The following MAP3K7 variants were observed in gnomAD, a reference collection of about 807,000 sequenced individuals.
MAP3K7 encodes mitogen-activated protein kinase kinase kinase 7, also known as TGF-beta activated kinase 1.
A neutral mutation model predicts 84.8 loss-of-function variants in MAP3K7; 21 were observed. The ratio of observed to expected loss-of-function variants is 0.25; its 90% CI spans 0.18 to 0.36. The LOEUF (loss-of-function observed/expected upper bound fraction) is 0.36, where lower values mean the gene tolerates loss of function less well. MAP3K7 is among the 10% of genes least tolerant of loss of function. The pLI is 1.00. For synonymous variants in MAP3K7, 241 were observed against 247.7 expected, an observed-to-expected ratio of 0.97 and a Z score of 0.25; for missense variants, 503 against 747.7, an observed-to-expected ratio of 0.67 and a Z score of 3.82.
intron 1 of MAP3K7, among the ~76,000 whole-genome samples, chr6:90,572,490 T>TA (rs1351728059): frequency 2.0e-5 from 3 of 151,790 alleles, no homozygotes; most frequent in Non-Finnish European, 4.4e-5. Flanking sequence ...AATCTATAGA[T>TA]AGATACCTGG....
intron 13 of MAP3K7, among the ~76,000 whole-genome samples, chr6:90,535,239 T>C (rs142963544): frequency 8.7e-4 from 132 of 152,118 alleles, no homozygotes; most frequent in African/African-American, 3.0e-3. Context: ...AAAAGACTTT[T>C]TTATTAATGA....
intron 1 of MAP3K7, among the ~76,000 whole-genome samples, chr6:90,580,147 G>C (rs1298043889): frequency 3.9e-5 from 6 of 152,196 alleles, no homozygotes; most frequent in Non-Finnish European, 7.3e-5. Flanking sequence ...GGACTGCAAA[G>C]GCCAAGCCTA....
chr6:90,575,548 G>A (rs1439798729), intron 1 of MAP3K7, among the ~76,000 whole-genome samples: 1 of 152,108 alleles, frequency 6.6e-6, no homozygotes, highest in Non-Finnish European at 1.5e-5. Context: ...AACACGTAAG[G>A]GATAAAGAAA....
intron 3 of MAP3K7, among the ~76,000 whole-genome samples, chr6:90,565,420 G>T (rs1776669561): frequency 6.6e-6 from 1 of 152,110 alleles, no homozygotes; most frequent in African/African-American, 2.4e-5. Flanking sequence ...TACCATCAGA[G>T]AATACTATAA....
chr6:90,584,870 A>G (rs910624781), intron 1 of MAP3K7, among the ~76,000 whole-genome samples: 11 of 152,184 alleles, frequency 7.2e-5, no homozygotes, highest in Admixed American at 7.2e-4. Flanking sequence ...TATTCTTAAA[A>G]AAGAATATTA....
intron 12 of MAP3K7, among the ~76,000 whole-genome samples, chr6:90,539,143 C>T (rs1256610833): frequency 3.3e-5 from 5 of 151,878 alleles, no homozygotes; most frequent in African/African-American, 1.2e-4. Context: ...CTAATTTAGG[C>T]TGCCAAAGTT....
intron 13 of MAP3K7, among the ~76,000 whole-genome samples, chr6:90,532,731 T>G (rs1321541042): frequency 6.6e-6 from 1 of 152,208 alleles, no homozygotes; most frequent in Admixed American, 6.5e-5. Flanking sequence ...CCCAGGTGTA[T>G]AAAACATAAA....
intron 5 of MAP3K7, among the ~76,000 whole-genome samples, chr6:90,559,458 A>G (rs1776438285): frequency 1.3e-5 from 2 of 152,160 alleles, no homozygotes; most frequent in Non-Finnish European, 2.9e-5. Context: ...AAAAAGAGAG[A>G]AAAGGAAACA....
rs1774963731 is a variant in MAP3K7, at chr6:90,516,416, C to T, written c.*85G>A. Reference sequence around the variant, plus strand: ...TTCAGAACACGCCAAAAAGCTAACACTCATGAATCGTCATTATAAGGTTTT... The same window carrying T: ...TTCAGAACACGCCAAAAAGCTAACATTCATGAATCGTCATTATAAGGTTTT... On this transcript the variant is annotated 3_prime_UTR_variant, in exon 17 of 17. Coordinates refer to ENST00000369329, the MANE Select transcript of MAP3K7 (RefSeq NM_145331.3). The T allele has an allele frequency of 7.1e-7, 1 of 1,404,144 alleles. No homozygotes were observed. The highest frequency in any genetic ancestry group is 1.5e-5 in the African/African-American group (1 of 68,914). The allele number at this position is 1,404,144 out of a possible 1,614,324, so 87.0% of individuals were successfully genotyped here. A position where few individuals can be genotyped will look rare whatever the true frequency, so the allele number is the denominator to read the frequency against.
At chr6:90,535,514 TATTC>T (rs1048275663) in intron 13 of MAP3K7, among the ~76,000 whole-genome samples, 3 of 151,988 alleles carry the variant, frequency 2.0e-5, no homozygotes, top group Admixed American at 6.6e-5. Flanking sequence ...TCATAAAACT[TATTC>T]TTGTACAGCT....
At chr6:90,544,481 C>A (rs912192454) in intron 12 of MAP3K7, 71 bp downstream of exon 12, 2 of 1,344,940 alleles carry the variant, frequency 1.5e-6, no homozygotes, top group South Asian at 2.3e-5. Flanking sequence ...GAGCAAGAAG[C>A]ATTTTACAAG....
chr6:90,581,364 G>T (rs1777265483), intron 1 of MAP3K7, among the ~76,000 whole-genome samples: 1 of 152,154 alleles, frequency 6.6e-6, no homozygotes, highest in Non-Finnish European at 1.5e-5. Context: ...TGCTGGCATT[G>T]TTCTGGCTGG....
chr6:90,583,637 G>T (rs1006217528), intron 1 of MAP3K7, among the ~76,000 whole-genome samples: 3 of 152,206 alleles, frequency 2.0e-5, no homozygotes, highest in Non-Finnish European at 4.4e-5. Flanking sequence ...GACCTTAAAT[G>T]ATCTTGTTCA....
chr6:90,556,310 G>A, intron 6 of MAP3K7, among the ~76,000 whole-genome samples, 190 bp downstream of exon 6: 1 of 152,186 alleles, frequency 6.6e-6, no homozygotes, highest in East Asian at 1.9e-4. Flanking sequence ...ATGCTTAGAA[G>A]CATAGAAGAT....
At chr6:90,530,485 A>G (rs1582171395) in intron 13 of MAP3K7, among the ~76,000 whole-genome samples, 1 of 152,210 alleles carries the variant, frequency 6.6e-6, no homozygotes, top group Non-Finnish European at 1.5e-5. Flanking sequence ...AGAAACTCTT[A>G]GCACCTTCTG....
chr6:90,519,944 T>C (rs527358863), intron 14 of MAP3K7, among the ~76,000 whole-genome samples: 2 of 152,166 alleles, frequency 1.3e-5, no homozygotes, highest in East Asian at 3.9e-4. Context: ...TGTGGCTCAA[T>C]GTCATGCCGA....
At chr6:90,561,855 A>C (rs956915269) in intron 3 of MAP3K7, among the ~76,000 whole-genome samples, 188 bp from the exon 4 acceptor site, 2 of 152,222 alleles carry the variant, frequency 1.3e-5, no homozygotes, top group African/African-American at 4.8e-5. Context: ...GTCTTCTAGG[A>C]GTCCACTAAC....
At chr6:90,557,937 CCTCCCTAGATCATCAGGTACCTT>C (rs1776385150) in intron 5 of MAP3K7, among the ~76,000 whole-genome samples, 2 of 152,148 alleles carry the variant, frequency 1.3e-5, no homozygotes, top group African/African-American at 4.8e-5. Context: ...GTATAAAACA[CCTCCCTAGATCATCAGGTACCTT>C]CTTTAGATAC....
chr6:90,548,705 C>G (rs753200942), intron 9 of MAP3K7, among the ~76,000 whole-genome samples: 1 of 150,488 alleles, frequency 6.6e-6, no homozygotes, highest in Non-Finnish European at 1.5e-5. Context: ...CCTGGGCACT[C>G]CAACATTTCT....
Sources: gnomAD v4.1 joint callset for allele counts (sites outside exome capture counted in the v4.1 genomes callset) on GRCh38, gnomAD v4.1.1 for gene constraint, MANE v1.5 for transcripts, NCBI Gene and HGNC (gene_info 2026-07-23, HGNC 2026-07-21) for gene names.